CCDC171: variants seen among roughly 807,000 people sequenced by gnomAD.
The protein encoded by CCDC171 is coiled-coil domain-containing protein 171.
Under a neutral mutation model 168.2 loss-of-function variants are expected in CCDC171, and 177 were observed. The observed-to-expected ratio is 1.05, with a 90% CI of 0.93 to 1.19. The LOEUF (loss-of-function observed/expected upper bound fraction) is 1.19, where lower values mean the gene tolerates loss of function less well. Ranked by LOEUF, CCDC171 falls within the 50% of genes most tolerant of loss-of-function variation. The pLI, the probability that CCDC171 is intolerant of heterozygous loss-of-function variation, is 0.00. For missense variants in CCDC171, 1,991 were observed against 1,539.0 expected (o/e 1.29, Z -4.91); for synonymous variants, 687 against 540.8 (o/e 1.27, Z -3.75).
the CCDC171 span, among the ~76,000 whole-genome samples, chr9:16,102,709 C>G: frequency 6.6e-6 from 1 of 152,104 alleles, no homozygotes. Context: ...ATGGATTCCC[C>G]TAAATTCACT....
At chr9:15,575,397 C>A (rs2040567936) in intron 3 of CCDC171, among the ~76,000 whole-genome samples, 1 of 152,054 alleles carries the variant, frequency 6.6e-6, no homozygotes, top group Admixed American at 6.6e-5. Flanking sequence ...TGGTCTTGAA[C>A]TTCTGGGCTC....
At chr9:15,857,987 A>G (rs371010764) in intron 23 of CCDC171, among the ~76,000 whole-genome samples, 1 of 151,958 alleles carries the variant, frequency 6.6e-6, no homozygotes, top group East Asian at 1.9e-4. Flanking sequence ...ATGTGTATAT[A>G]TATGTATATA....
chr9:16,062,218 G>T (rs550431721), downstream of CCDC171, among the ~76,000 whole-genome samples: 3 of 152,266 alleles, frequency 2.0e-5, no homozygotes, highest in South Asian at 2.1e-4. Context: ...AGGGGAGAAG[G>T]TTATGGACAG....
rs760059989 is a variant in CCDC171 at position 15,607,065 on chromosome 9, G to T, written c.675+12893G>T. ...GTAGTTTTTTTGGATTTTCTTGAGT[G>T]TTACATTGCATCTCAGGATTGGATG... On this transcript the variant is annotated intron_variant, in intron 6 of 25. Coordinates refer to ENST00000380701, the MANE Select transcript of CCDC171 (RefSeq NM_173550.4). Among the ~76,000 whole-genome samples the T allele has an allele frequency of 1.4e-4, 22 of 152,246 alleles. 1 individual carries two copies. The South Asian group carries it at 1.5e-3, about 10-fold the overall frequency.
At chr9:16,084,189 T>C in the CCDC171 span, among the ~76,000 whole-genome samples, 1 of 152,176 alleles carries the variant, frequency 6.6e-6, no homozygotes, top group South Asian at 2.1e-4. Flanking sequence ...GAAACAGTTA[T>C]CTTTTGGTCT....
chr9:15,681,692 C>T (rs1459558635), intron 10 of CCDC171, among the ~76,000 whole-genome samples: 2 of 151,836 alleles, frequency 1.3e-5, no homozygotes, highest in South Asian at 4.2e-4. Flanking sequence ...GGAAAGAAGG[C>T]TTGCAAAGTT....
intron 3 of CCDC171, among the ~76,000 whole-genome samples, chr9:15,990,292 T>C (rs893520951): frequency 6.7e-6 from 1 of 149,210 alleles, no homozygotes; most frequent in African/African-American, 2.6e-5. Context: ...CTTAAAAGAA[T>C]TTTCAACCCA....
intron 6 of CCDC171, among the ~76,000 whole-genome samples, chr9:15,605,333 A>G (rs980857023): frequency 1.3e-5 from 2 of 152,006 alleles, no homozygotes; most frequent in African/African-American, 2.4e-5. Flanking sequence ...CTGGTATCCT[A>G]TTAACAAATG....
intron 7 of CCDC171, among the ~76,000 whole-genome samples, chr9:15,630,388 A>G (rs2045576395): frequency 6.6e-6 from 1 of 152,214 alleles, no homozygotes; most frequent in Admixed American, 6.5e-5. Context: ...AGTCTCTGAT[A>G]AAACAGACTT....
intron 6 of CCDC171, among the ~76,000 whole-genome samples, chr9:15,606,236 G>T (rs1199681898): frequency 6.6e-6 from 1 of 152,138 alleles, no homozygotes; most frequent in Non-Finnish European, 1.5e-5. Flanking sequence ...AGGGAATATT[G>T]TATTTCAGTA....
chr9:15,921,140 ATTACAGTGAC>A (rs1457526569), intron 25 of CCDC171, among the ~76,000 whole-genome samples: 6 of 151,646 alleles, frequency 4.0e-5, no homozygotes, highest in African/African-American at 1.5e-4. Context: ...TTTTGGTTTG[ATTACAGTGAC>A]TTATAAAGAA....
the CCDC171 span, among the ~76,000 whole-genome samples, chr9:16,088,755 A>G: frequency 6.6e-6 from 1 of 152,250 alleles, no homozygotes; most frequent in Non-Finnish European, 1.5e-5. Context: ...ATGGATAGGA[A>G]GAATCAATAT....
chr9:15,926,695 G>C (rs549863797), intron 25 of CCDC171, among the ~76,000 whole-genome samples: 4 of 151,568 alleles, frequency 2.6e-5, no homozygotes, highest in Non-Finnish European at 5.9e-5. Context: ...TTCCCACATT[G>C]TAGTGTTGTT....
At chr9:15,830,645 G>C (rs1284719754) in intron 21 of CCDC171, among the ~76,000 whole-genome samples, 1 of 152,134 alleles carries the variant, frequency 6.6e-6, no homozygotes, top group Non-Finnish European at 1.5e-5. Flanking sequence ...AAAGGAGATA[G>C]GAAAACTCTT....
At chr9:15,727,075 A>G (rs1159565406) in intron 14 of CCDC171, among the ~76,000 whole-genome samples, 1 of 152,218 alleles carries the variant, frequency 6.6e-6, no homozygotes, top group Non-Finnish European at 1.5e-5. Flanking sequence ...CTGAAGTGGT[A>G]ATATAATTTT....
chr9:15,649,527 A>G (rs1380495731), intron 7 of CCDC171, among the ~76,000 whole-genome samples: 1 of 152,254 alleles, frequency 6.6e-6, no homozygotes, highest in Non-Finnish European at 1.5e-5. Flanking sequence ...TCCAGAATCT[A>G]CAATGAACTC....
chr9:15,577,533 G>T (rs1386859889), intron 3 of CCDC171, among the ~76,000 whole-genome samples: 1 of 152,148 alleles, frequency 6.6e-6, no homozygotes, highest in African/African-American at 2.4e-5. Flanking sequence ...CTGTGTTCAG[G>T]CTTAAATATA....
At chr9:16,102,620 A>G in the CCDC171 span, among the ~76,000 whole-genome samples, 1 of 152,180 alleles carries the variant, frequency 6.6e-6, no homozygotes, top group Non-Finnish European at 1.5e-5. Flanking sequence ...CTCATAGTCT[A>G]CAAGAAACTC....
chr9:15,565,670 A>G (rs538240095), intron 2 of CCDC171, among the ~76,000 whole-genome samples: 2 of 152,186 alleles, frequency 1.3e-5, no homozygotes, highest in Non-Finnish European at 2.9e-5. Flanking sequence ...TGAGTTTTGT[A>G]AAGTTGTAAC....
Sources: gnomAD v4.1 joint callset for allele counts (sites outside exome capture counted in the v4.1 genomes callset) on GRCh38, gnomAD v4.1.1 for gene constraint, MANE v1.5 for transcripts, NCBI Gene and HGNC (gene_info 2026-07-23, HGNC 2026-07-21) for gene names.